DAW1: variants seen among roughly 807,000 people sequenced by gnomAD.
DAW1 encodes dynein assembly factor with WD repeat domains 1.
DAW1 carries 47 observed loss-of-function variants against 56.5 expected under a neutral mutation model. The observed-to-expected ratio is 0.83, with a 90% CI of 0.66 to 1.06. The LOEUF is 1.06. Among genes scored for constraint, DAW1 ranks in the 50% least tolerant of loss-of-function variants. The pLI, the probability that DAW1 is intolerant of heterozygous loss-of-function variation, is 0.00. For synonymous variants in DAW1, 190 were observed against 179.0 expected, an observed-to-expected ratio of 1.06 and a Z score of -0.49; for missense variants, 505 against 499.3, an observed-to-expected ratio of 1.01 and a Z score of -0.11.
At chr2:227,911,614 C>A (rs1243773554) in intron 10 of DAW1, among the ~76,000 whole-genome samples, 2 of 151,880 alleles carry the variant, frequency 1.3e-5, no homozygotes, top group Admixed American at 1.3e-4. Flanking sequence ...GGTGACATGG[C>A]CTAGTTATTT....
intron 12 of DAW1, among the ~76,000 whole-genome samples, chr2:227,922,876 A>G: frequency 6.6e-6 from 1 of 152,206 alleles, no homozygotes; most frequent in Admixed American, 6.5e-5. Context: ...TTGATGAGAA[A>G]AGAGGTGAGG....
At chr2:227,912,224 C>G in intron 10 of DAW1, 1 of 428,848 alleles carries the variant, frequency 2.3e-6, no homozygotes, top group Non-Finnish European at 4.4e-6. Flanking sequence ...TCTATGTCAC[C>G]TTCTTTCTCT....
At chr2:227,886,445 C>T (rs748826653) in intron 2 of DAW1, among the ~76,000 whole-genome samples, 1 of 151,996 alleles carries the variant, frequency 6.6e-6, no homozygotes, top group Non-Finnish European at 1.5e-5. Context: ...GAGGAAACTC[C>T]GTCTCTACTA....
At chr2:227,907,031 G>C in intron 9 of DAW1, 107 bp from the exon 10 acceptor site, 1 of 694,444 alleles carries the variant, frequency 1.4e-6, no homozygotes, top group Middle Eastern at 2.7e-4. Context: ...TTTTTGCACA[G>C]TTATTTAACC....
chr2:227,889,919 A>T lies in DAW1; in HGVS notation c.177A>T (p.Arg59=). 1.2e-6 allele frequency: 2 copies of T among 1,611,082 alleles called. No individual in the cohort carries two copies. Among genetic ancestry groups the T allele is most frequent in the Non-Finnish European group, 1.7e-6 (2 of 1,179,066 alleles). ...QKAEPLLTAS[R]TEQVKLLIQR... is the part of the protein sequence containing the mutation. ...CAGAACCTCTACTCACAGCTTCACG[A>T]ACAGAGCAAGTCAAACTTTTGATAC... Residue 59 remains arginine (R), a synonymous_variant, in exon 3 of 13, where the codon CGA becomes CGT. Coordinates refer to ENST00000309931, the MANE Select transcript of DAW1 (RefSeq NM_178821.3).
At chr2:227,880,671 A>G (rs16824084) in intron 1 of DAW1, among the ~76,000 whole-genome samples, 73,517 of 151,836 alleles carry the variant, frequency 0.48, 17,984 homozygotes, top group Admixed American at 0.58. Flanking sequence ...ACAGCTGCTT[A>G]GATTACCTGT....
Position 227,893,873 on chromosome 2 carries a change from C to T in DAW1, c.396C>T (p.Gly132=), listed in dbSNP as rs1298643398. 5 of 1,613,660 alleles carry T rather than the reference C, an allele frequency of 3.1e-6. No homozygotes were observed. The highest frequency in any genetic ancestry group is 2.7e-5 in the African/African-American group (2 of 74,892). The change falls in exon 5 of 13, where the codon GGC becomes GGT. Residue 132 remains glycine, a synonymous_variant. Coordinates refer to ENST00000309931, the MANE Select transcript of DAW1 (RefSeq NM_178821.3). ...ASGEELNTLE[G]HRNVVYAIAF... ...GAGAGGAGCTGAACACGCTGGAGGG[C>T]CACAGGAATGTGGTTTATGCCATAG...
At chr2:227,896,593 AGT>A (rs5839240) in intron 5 of DAW1, among the ~76,000 whole-genome samples, 53,975 of 143,338 alleles carry the variant, frequency 0.38, 10,016 homozygotes, top group Admixed American at 0.49. Context: ...AATAAGAGGG[AGT>A]GTGTGTGTGT....
At chr2:227,885,313 T>C in intron 1 of DAW1, 38 bp from the exon 2 acceptor site, 1 of 1,411,668 alleles carries the variant, frequency 7.1e-7, no homozygotes, top group Non-Finnish European at 9.6e-7. Context: ...TAGGTGGTTA[T>C]CGTAAGTGTT....
intron 10 of DAW1, 107 bp from the exon 11 acceptor site, chr2:227,918,673 A>G (rs1031625940): frequency 1.6e-6 from 2 of 1,212,588 alleles, no homozygotes; most frequent in Non-Finnish European, 1.2e-6. Flanking sequence ...TGAACTTAGC[A>G]CAGAGCTCGT....
chr2:227,923,129 G>A (rs1246648605), intron 12 of DAW1, among the ~76,000 whole-genome samples: 1 of 152,190 alleles, frequency 6.6e-6, no homozygotes, highest in Non-Finnish European at 1.5e-5. Flanking sequence ...GTATCCCAAA[G>A]CACCAAAGTG....
chr2:227,924,104 A>G lies in DAW1; in HGVS notation c.*136A>G, dbSNP rs923145268. 2.0e-6 allele frequency: 2 copies of G among 1,015,810 alleles called. No individual in the cohort carries two copies. Among genetic ancestry groups the G allele is most frequent in the Non-Finnish European group, 3.0e-6 (2 of 670,166 alleles). The allele number at this position is 1,015,810 out of a possible 1,614,324, so 62.9% of individuals were successfully genotyped here. On this transcript the variant is annotated 3_prime_UTR_variant, in exon 13 of 13. Coordinates refer to ENST00000309931, the MANE Select transcript of DAW1 (RefSeq NM_178821.3). ...TCAACTATTTCTACAACTGTCCTTC[A>G]TTTCACAGATATGACCATTAAACAT...
intron 7 of DAW1, among the ~76,000 whole-genome samples, chr2:227,903,361 T>C (rs550824858): frequency 7.2e-4 from 109 of 152,242 alleles, no homozygotes; most frequent in Non-Finnish European, 1.4e-3. Context: ...CCCATCACCA[T>C]CTCTCTGGCT....
intron 10 of DAW1, among the ~76,000 whole-genome samples, chr2:227,908,270 AT>A (rs1422308815): frequency 6.6e-6 from 1 of 152,168 alleles, no homozygotes; most frequent in African/African-American, 2.4e-5. Flanking sequence ...TTAAAACCAC[AT>A]TTGATGCTGG....
At chr2:227,890,286 C>T (rs1691232507) in intron 3 of DAW1, among the ~76,000 whole-genome samples, 1 of 147,314 alleles carries the variant, frequency 6.8e-6, no homozygotes, top group South Asian at 2.1e-4. Flanking sequence ...TATGGAATAA[C>T]TAAAGCTTTT....
intron 2 of DAW1, among the ~76,000 whole-genome samples, chr2:227,888,956 A>G (rs1299229065): frequency 6.6e-6 from 1 of 152,180 alleles, no homozygotes; most frequent in Non-Finnish European, 1.5e-5. Context: ...GATGCTTTAA[A>G]TTTATGGTTA....
At chr2:227,887,744 G>T (rs1296133966) in intron 2 of DAW1, 2 of 152,200 alleles carry the variant, frequency 1.3e-5, no homozygotes, top group Admixed American at 1.3e-4. Context: ...GAGATATAAG[G>T]CATAGCCACT....
chr2:227,910,150 C>T (rs567801228), intron 10 of DAW1, among the ~76,000 whole-genome samples: 25 of 152,126 alleles, frequency 1.6e-4, no homozygotes, highest in Non-Finnish European at 3.1e-4. Context: ...ATGTATGATG[C>T]TATATAATAT....
intron 12 of DAW1, among the ~76,000 whole-genome samples, chr2:227,923,125 C>T (rs1220002908): frequency 2.0e-5 from 3 of 152,138 alleles, no homozygotes; most frequent in Non-Finnish European, 4.4e-5. Context: ...TAGTGTATCC[C>T]AAAGCACCAA....
Sources: allele counts gnomAD v4.1 joint callset (sites outside exome capture counted in the v4.1 genomes callset), GRCh38; gene constraint gnomAD v4.1.1; transcripts MANE v1.5; gene names NCBI Gene and HGNC (gene_info 2026-07-23, HGNC 2026-07-21).